Variants in PDSS1 observed in about 807,000 individuals in gnomAD.
PDSS1 encodes the protein decaprenyl diphosphate synthase subunit 1.
PDSS1 carries 43 observed loss-of-function variants against 57.5 expected under a neutral mutation model. The ratio of observed to expected loss-of-function variants is 0.75; its 90% CI spans 0.59 to 0.96. The LOEUF (loss-of-function observed/expected upper bound fraction) is 0.96. PDSS1 is among the 50% of genes least tolerant of loss of function. The probability of loss-of-function intolerance (pLI) is 0.00; values close to 1 mark genes in which losing one functional copy is unlikely to be tolerated. For synonymous variants in PDSS1, 175 were observed against 191.3 expected (o/e 0.91, Z 0.70); for missense variants, 438 against 527.8 (o/e 0.83, Z 1.67).
intron 5 of PDSS1, among the ~76,000 whole-genome samples, chr10:26,713,687 A>G (rs1052383198): frequency 5.9e-5 from 9 of 152,006 alleles, no homozygotes; most frequent in African/African-American, 2.2e-4. Flanking sequence ...CTGGGTAGAG[A>G]AAGTAGGAAT....
chr10:26,726,640 C>T (rs1034954103), intron 8 of PDSS1, among the ~76,000 whole-genome samples: 14 of 152,172 alleles, frequency 9.2e-5, no homozygotes, highest in African/African-American at 3.1e-4. Context: ...TGGAGGGAAA[C>T]TTACAAGCTG....
intron 5 of PDSS1, among the ~76,000 whole-genome samples, chr10:26,717,220 A>ATTTTTTTTTTTTTTTT (rs1564423640): frequency 5.3e-5 from 8 of 152,270 alleles, no homozygotes; most frequent in African/African-American, 1.4e-4. Flanking sequence ...GCAAAATGAC[A>ATTTTTTTTTTTTTTTT]TTTTTTATTC....
At chr10:26,735,834 C>T (rs1302890068) in intron 10 of PDSS1, among the ~76,000 whole-genome samples, 1 of 152,112 alleles carries the variant, frequency 6.6e-6, no homozygotes, top group Admixed American at 6.5e-5. Context: ...TAGCTAAGAT[C>T]CTATTTGAGA....
chr10:26,743,433 C>A (rs898076193), intron 11 of PDSS1, among the ~76,000 whole-genome samples: 1 of 152,292 alleles, frequency 6.6e-6, no homozygotes, highest in African/African-American at 2.4e-5. Context: ...TAAAAAGCAA[C>A]CCCAACCCCT....
chr10:26,717,323 C>A lies in PDSS1; in HGVS notation c.468-2895C>A, dbSNP rs542412694. Among the ~76,000 whole-genome samples, 67 of 152,278 alleles carry A rather than the reference C, an allele frequency of 4.4e-4. 1 individual carries two copies. Among genetic ancestry groups the A allele is most frequent in the African/African-American group, 1.6e-3 (65 of 41,556 alleles). ...CTCAGCTCACTGCAACCTCCACCTCCCAGGTTCAAGTGATTCTCCTGCCTC... is the reference window on the plus strand; with the variant it reads ...CTCAGCTCACTGCAACCTCCACCTCACAGGTTCAAGTGATTCTCCTGCCTC... On this transcript the variant is annotated intron_variant, in intron 5 of 11. Coordinates refer to ENST00000376215, the MANE Select transcript of PDSS1 (RefSeq NM_014317.5).
At chr10:26,741,120 C>T (rs1187326335) in intron 10 of PDSS1, among the ~76,000 whole-genome samples, 1 of 152,080 alleles carries the variant, frequency 6.6e-6, no homozygotes, top group African/African-American at 2.4e-5. Flanking sequence ...GGTTGAAAAT[C>T]TTGGTGCCCA....
intron 8 of PDSS1, among the ~76,000 whole-genome samples, chr10:26,733,453 C>G (rs966607591): frequency 2.0e-5 from 3 of 152,178 alleles, no homozygotes; most frequent in African/African-American, 4.8e-5. Context: ...CAGTTATGAG[C>G]TTACTGTTCA....
chr10:26,746,053 A>G (rs934161891), intron 11 of PDSS1, among the ~76,000 whole-genome samples: 3 of 152,200 alleles, frequency 2.0e-5, no homozygotes, highest in Admixed American at 6.5e-5. Context: ...AGAAATTCTA[A>G]TAAGTAAAAA....
chr10:26,746,134 G>A (rs1836881006), intron 11 of PDSS1, among the ~76,000 whole-genome samples, 199 bp from the exon 12 acceptor site: 1 of 152,132 alleles, frequency 6.6e-6, no homozygotes. Flanking sequence ...ATAAAAATTT[G>A]CTTCAATATG....
At position 26,746,329 on chromosome 10, in the gene PDSS1, A is replaced by ATAGAG; in HGVS notation, c.1108-2_1110dup. On this transcript the variant is annotated splice_polypyrimidine_tract_variant and splice_region_variant and intron_variant, in intron 11 of 11. Transcript: ENST00000376215. ...TCTGTTCTGTTTTGTTCTGTATCTT[A>ATAGAG]TAGAGTGATGGTGTGCAACAAACAA... 1 of 1,614,010 alleles carries ATAGAG rather than the reference A, an allele frequency of 6.2e-7. No individual in the cohort carries two copies. Among genetic ancestry groups the ATAGAG allele is most frequent in the Non-Finnish European group, 8.5e-7 (1 of 1,179,916 alleles).
chr10:26,743,391 C>T (rs1554799130), intron 11 of PDSS1, among the ~76,000 whole-genome samples: 1 of 152,162 alleles, frequency 6.6e-6, no homozygotes, highest in Non-Finnish European at 1.5e-5. Context: ...GAAAGACTTC[C>T]AAATAATTAC....
chr10:26,746,770 C>CAAAT lies in PDSS1; in HGVS notation c.*304_*307dup, dbSNP rs1187110668. 3 of 419,276 alleles carry CAAAT rather than the reference C, an allele frequency of 7.2e-6. No homozygotes were observed. Among genetic ancestry groups the CAAAT allele is most frequent in the South Asian group, 4.9e-5 (2 of 40,836 alleles). 26.0% of individuals were successfully genotyped at this position (419,276 alleles called of 1,614,324 possible). A position where few individuals can be genotyped will look rare whatever the true frequency, so the allele number is the denominator to read the frequency against. On this transcript the variant is annotated 3_prime_UTR_variant, in exon 12 of 12. Transcript: ENST00000376215. The stretch of plus-strand genomic sequence containing the variant: ...AATATCCACATGTAAGGCCATTACA[C>CAAAT]AAATAAATAACCAATGTTAAAATTC...
chr10:26,730,380 C>T (rs947402307), intron 8 of PDSS1, among the ~76,000 whole-genome samples: 24 of 151,886 alleles, frequency 1.6e-4, no homozygotes, highest in Non-Finnish European at 2.5e-4. Flanking sequence ...GAGGCCAAGG[C>T]AGATGGATTG....
At chr10:26,698,433 C>T (rs1281790250) in intron 1 of PDSS1, among the ~76,000 whole-genome samples, 1 of 152,138 alleles carries the variant, frequency 6.6e-6, no homozygotes, top group Non-Finnish European at 1.5e-5. Context: ...GAGAAAGGCC[C>T]GAGGCCGTCA....
chr10:26,729,375 GGTAGATAC>G (rs1836085741), intron 8 of PDSS1, among the ~76,000 whole-genome samples: 1 of 152,126 alleles, frequency 6.6e-6, no homozygotes, highest in South Asian at 2.1e-4. Context: ...ATGTAATGTA[GGTAGATAC>G]GTGTATATCT....
At chr10:26,744,899 C>T (rs1379032329) in intron 11 of PDSS1, among the ~76,000 whole-genome samples, 3 of 152,036 alleles carry the variant, frequency 2.0e-5, no homozygotes, top group African/African-American at 7.2e-5. Context: ...CGCAGTGGCT[C>T]ACACCTGTAA....
At chr10:26,737,863 C>T (rs1281639585) in intron 10 of PDSS1, among the ~76,000 whole-genome samples, 1 of 151,998 alleles carries the variant, frequency 6.6e-6, no homozygotes, top group Admixed American at 6.6e-5. Flanking sequence ...TACTCATGCT[C>T]ACCAGACAGC....
intron 4 of PDSS1, among the ~76,000 whole-genome samples, chr10:26,709,428 G>T (rs1023341230): frequency 1.1e-4 from 16 of 152,106 alleles, no homozygotes; most frequent in Non-Finnish European, 2.2e-4. Flanking sequence ...AGGCATTGTG[G>T]CGGGTGCTTG....
intron 10 of PDSS1, among the ~76,000 whole-genome samples, chr10:26,737,627 G>A (rs2132306530): frequency 6.7e-6 from 1 of 150,368 alleles, no homozygotes; most frequent in African/African-American, 2.4e-5. Context: ...AGCTACTCGG[G>A]AGGCCAAGGA....
Sources: allele counts gnomAD v4.1 joint callset (sites outside exome capture counted in the v4.1 genomes callset), GRCh38; gene constraint gnomAD v4.1.1; transcripts MANE v1.5; gene names NCBI Gene and HGNC (gene_info 2026-07-23, HGNC 2026-07-21).